MAP2: variants seen among roughly 807,000 people sequenced by gnomAD.
MAP2 encodes the protein microtubule associated protein 2, also known as microtubule-associated protein 2.
Under a neutral mutation model 137.6 loss-of-function variants are expected in MAP2, and 14 were observed. That is an observed-to-expected ratio of 0.10 (90% CI 0.07 to 0.16). The LOEUF (loss-of-function observed/expected upper bound fraction) is 0.16. Among genes scored for constraint, MAP2 ranks in the 10% least tolerant of loss-of-function variants. MAP2 has a pLI of 1.00. For synonymous variants in MAP2, 786 were observed against 782.3 expected (o/e 1.00, Z -0.08); for missense variants, 2,088 against 2,191.5 (o/e 0.95, Z 0.94).
At chr2:209,665,218 G>T (rs16843423) in intron 5 of MAP2, among the ~76,000 whole-genome samples, 4,987 of 152,124 alleles carry the variant, frequency 0.033, 262 homozygotes, top group African/African-American at 0.11. Flanking sequence ...ATAGCAGTAA[G>T]ATATCAAATT....
At chr2:209,554,049 G>A (rs1208641970) in intron 2 of MAP2, among the ~76,000 whole-genome samples, 7 of 152,130 alleles carry the variant, frequency 4.6e-5, no homozygotes, top group Non-Finnish European at 8.8e-5. Flanking sequence ...GGATCCAATG[G>A]GTGTGTTCAA....
At chr2:209,424,439 G>A (rs992414655) in intron 1 of MAP2, among the ~76,000 whole-genome samples, 163 bp downstream of exon 1, 1 of 152,180 alleles carries the variant, frequency 6.6e-6, no homozygotes, top group Admixed American at 6.5e-5. Flanking sequence ...GCACCTGGCG[G>A]AAGATTCGGG....
intron 3 of MAP2, among the ~76,000 whole-genome samples, chr2:209,610,857 T>C (rs764620434): frequency 1.8e-4 from 27 of 152,190 alleles, no homozygotes; most frequent in Non-Finnish European, 2.1e-4. Flanking sequence ...TGCTTTTGAC[T>C]TGAGAGCCAT....
At chr2:209,481,335 T>C (rs931659323) in intron 1 of MAP2, among the ~76,000 whole-genome samples, 5 of 152,198 alleles carry the variant, frequency 3.3e-5, no homozygotes, top group African/African-American at 1.2e-4. Flanking sequence ...GATCCATCAC[T>C]GGATGTGGGC....
intron 1 of MAP2, among the ~76,000 whole-genome samples, chr2:209,497,429 G>A (rs2059884606): frequency 6.6e-6 from 1 of 152,152 alleles, no homozygotes; most frequent in African/African-American, 2.4e-5. Flanking sequence ...CCAACCTCCA[G>A]AACTGTGAAA....
At chr2:209,507,768 T>C (rs2061248449) in intron 2 of MAP2, 127 bp downstream of exon 2, 1 of 152,162 alleles carries the variant, frequency 6.6e-6, no homozygotes, top group East Asian at 1.9e-4. Flanking sequence ...TAGTAAAAAC[T>C]GGATATATTT....
At chr2:209,516,421 A>G (rs745432217) in intron 2 of MAP2, among the ~76,000 whole-genome samples, 1 of 152,142 alleles carries the variant, frequency 6.6e-6, no homozygotes, top group Non-Finnish European at 1.5e-5. Flanking sequence ...AGGTGCAAGT[A>G]TAAGCTGATC....
chr2:209,609,484 G>A (rs568621081), intron 3 of MAP2, among the ~76,000 whole-genome samples: 131 of 152,198 alleles, frequency 8.6e-4, no homozygotes, highest in African/African-American at 2.4e-3. Flanking sequence ...AAACCCATCA[G>A]CAGTCACTCA....
intron 2 of MAP2, among the ~76,000 whole-genome samples, chr2:209,512,534 T>G (rs17317170): frequency 0.063 from 8,673 of 138,326 alleles, 290 homozygotes; most frequent in South Asian, 0.1. Context: ...CAAAATATAT[T>G]AATGAAAGAA....
At chr2:209,651,477 G>A (rs961337023) in intron 4 of MAP2, among the ~76,000 whole-genome samples, 17 of 152,174 alleles carry the variant, frequency 1.1e-4, no homozygotes, top group African/African-American at 3.6e-4. Context: ...ACTGTTTATT[G>A]AGCATGCCAG....
In MAP2 at chr2:209,694,504, A is replaced by G; in HGVS notation, c.2334A>G (p.Glu778=). Residue 778 remains glutamate, a synonymous_variant, in exon 8 of 16, where the codon GAA becomes GAG. Coordinates refer to ENST00000682079, the MANE Select transcript of MAP2 (RefSeq NM_001375505.1). Reference sequence around the variant, plus strand: ...AGAAAGTAAAAGCTACTGGAGAAGAAAGTACTCAAGCGGAGATATCATGTG... The same window carrying G: ...AGAAAGTAAAAGCTACTGGAGAAGAGAGTACTCAAGCGGAGATATCATGTG... ...QIEKVKATGE[E]STQAEISCES... 1 of 1,614,090 alleles carries G rather than the reference A, an allele frequency of 6.2e-7. No homozygotes were observed.
chr2:209,680,199 A>G (rs1185060354), intron 6 of MAP2, among the ~76,000 whole-genome samples: 1 of 152,190 alleles, frequency 6.6e-6, no homozygotes, highest in Non-Finnish European at 1.5e-5. Flanking sequence ...TTATTTTTCC[A>G]TTTCTGAGAA....
At chr2:209,726,322 T>C (rs1219363380) in intron 14 of MAP2, among the ~76,000 whole-genome samples, 1 of 152,154 alleles carries the variant, frequency 6.6e-6, no homozygotes, top group Non-Finnish European at 1.5e-5. Context: ...CCCCTTTTGG[T>C]TTTTCAAAAT....
intron 3 of MAP2, among the ~76,000 whole-genome samples, chr2:209,597,775 T>C (rs1285652108): frequency 6.6e-6 from 1 of 152,042 alleles, no homozygotes; most frequent in Non-Finnish European, 1.5e-5. Flanking sequence ...GTACTCTCTC[T>C]CTATGCTCCC....
chr2:209,513,697 T>A (rs1023927783), intron 2 of MAP2, among the ~76,000 whole-genome samples: 1 of 152,070 alleles, frequency 6.6e-6, no homozygotes, highest in Admixed American at 6.6e-5. Flanking sequence ...GTGGGTAGTA[T>A]TTTTGTATTC....
intron 3 of MAP2, among the ~76,000 whole-genome samples, chr2:209,583,323 A>G (rs1028126162): frequency 3.3e-5 from 5 of 152,110 alleles, no homozygotes; most frequent in Non-Finnish European, 7.4e-5. Context: ...AATGTCAAAG[A>G]TAAATTAGGA....
At chr2:209,714,643 A>C (rs1164614772) in intron 13 of MAP2, among the ~76,000 whole-genome samples, 1 of 152,332 alleles carries the variant, frequency 6.6e-6, no homozygotes, top group Middle Eastern at 3.4e-3. Context: ...AAATAAAGCA[A>C]TCTTAGTTTC....
chr2:209,427,989 C>A (rs1009264312), intron 1 of MAP2, among the ~76,000 whole-genome samples: 3 of 152,224 alleles, frequency 2.0e-5, no homozygotes, highest in Admixed American at 2.0e-4. Context: ...CATATTTTGT[C>A]CCCATCCCTC....
At position 209,583,143 on chromosome 2, in the gene MAP2, G is replaced by GTCTATCTATCTATCTATCTA. The variant is rs752715711; in HGVS notation, c.-107+3046_-107+3047insATCTATCTATCTATCTATCT. On this transcript the variant is annotated intron_variant, in intron 3 of 15. Coordinates refer to ENST00000682079, the MANE Select transcript of MAP2 (RefSeq NM_001375505.1). ...TATCTATCTATCTATCCATCTGTCT[G>GTCTATCTATCTATCTATCTA]TCTGTCTATCTATCTATCTATCTAT... Among the ~76,000 whole-genome samples, 301 of 94,054 alleles carry GTCTATCTATCTATCTATCTA rather than the reference G, an allele frequency of 3.2e-3. 1 individual carries two copies. The highest frequency in any genetic ancestry group is 6.6e-3 in the East Asian group (23 of 3,480). The allele number at this position is 94,054 out of a possible 152,430, so 61.7% of individuals were successfully genotyped here.
Sources: allele counts gnomAD v4.1 joint callset (sites outside exome capture counted in the v4.1 genomes callset), GRCh38; gene constraint gnomAD v4.1.1; transcripts MANE v1.5; gene names NCBI Gene and HGNC (gene_info 2026-07-23, HGNC 2026-07-21).